Variants in PEPD observed in about 807,000 individuals in gnomAD.
The protein encoded by PEPD is peptidase D.
Under a neutral mutation model 60.7 loss-of-function variants are expected in PEPD, and 53 were observed. The ratio of observed to expected loss-of-function variants is 0.87; its 90% CI spans 0.70 to 1.10. The LOEUF is 1.10. Among genes scored for constraint, PEPD ranks in the 50% least tolerant of loss-of-function variants. The probability of loss-of-function intolerance (pLI) is 0.00; values close to 1 mark genes in which losing one functional copy is unlikely to be tolerated. For missense variants in PEPD, 711 were observed against 711.9 expected, an observed-to-expected ratio of 1.00 and a Z score of 0.01; for synonymous variants, 267 against 284.1, an observed-to-expected ratio of 0.94 and a Z score of 0.60.
chr19:33,430,361 G>A lies in PEPD; in HGVS notation c.672-16718C>T, dbSNP rs77888737. On this transcript the variant is annotated intron_variant, in intron 9 of 14. Coordinates refer to ENST00000244137, the MANE Select transcript of PEPD (RefSeq NM_000285.4). ...GCGAGGTAGGGTTGACGGTCGAAGT[G>A]TCGTTCACACTGGGAACCACCTGGC... is the stretch of plus-strand genomic sequence containing the variant. Among the ~76,000 whole-genome samples the A allele has an allele frequency of 5.0e-3, 759 of 152,246 alleles. 29 individuals are homozygous for A. The East Asian group carries it at 0.11, about 22-fold the overall frequency.
At chr19:33,456,727 G>A (rs368234562) in intron 9 of PEPD, among the ~76,000 whole-genome samples, 20 of 152,068 alleles carry the variant, frequency 1.3e-4, no homozygotes, top group African/African-American at 3.9e-4. Flanking sequence ...TGGGGGCTCC[G>A]GTCTCAGAGG....
chr19:33,504,423 C>T (rs1035112235), intron 3 of PEPD, among the ~76,000 whole-genome samples: 25 of 152,168 alleles, frequency 1.6e-4, no homozygotes, highest in Admixed American at 6.5e-4. Context: ...GGTCCAGCAA[C>T]GGTACTTCAT....
At chr19:33,441,456 G>A (rs746799997) in intron 9 of PEPD, among the ~76,000 whole-genome samples, 2 of 152,224 alleles carry the variant, frequency 1.3e-5, no homozygotes, top group Non-Finnish European at 2.9e-5. Context: ...AGAGTGCACA[G>A]TCCCGGGGAG....
rs757112748 is a variant in PEPD, at chr19:33,490,045, T to C, written c.454A>G (p.Thr152Ala). 3.7e-6 allele frequency: 6 copies of C among 1,612,172 alleles called. No homozygotes were observed. The highest frequency in any genetic ancestry group is 2.2e-5 in the South Asian group (2 of 90,786). Residue 152 changes from threonine (T) to alanine (A), a missense_variant, in exon 6 of 15, where the codon ACG (threonine) becomes GCG (alanine). Thr to Ala is a moderately conservative substitution (Grantham distance 58, BLOSUM62 0). Transcript: ENST00000244137. ...TCCCTGCAGACACTGCCGCTGTCCG[T>C]GTTGACGCCACGCTGGGGAGAGAGA... Reference protein sequence around the residue: ...SVLLTLRGVNTDSGSVCREAS... With the variant: ...SVLLTLRGVNADSGSVCREAS...
chr19:33,466,782 T>C (rs1008389316), intron 7 of PEPD, among the ~76,000 whole-genome samples: 8 of 152,006 alleles, frequency 5.3e-5, no homozygotes, highest in Non-Finnish European at 5.9e-5. Flanking sequence ...AATAAAAATT[T>C]TTTTCTAATA....
At chr19:33,500,186 G>A (rs73594036) in intron 4 of PEPD, among the ~76,000 whole-genome samples, 12,664 of 152,276 alleles carry the variant, frequency 0.083, 576 homozygotes, top group Non-Finnish European at 0.11. Context: ...ACACGGCACT[G>A]ACCTGCACAG....
At chr19:33,450,043 C>T (rs1969667507) in intron 9 of PEPD, among the ~76,000 whole-genome samples, 1 of 152,206 alleles carries the variant, frequency 6.6e-6, no homozygotes, top group Admixed American at 6.5e-5. Context: ...TTGCTGGTGG[C>T]CAAGCTGCCT....
intron 11 of PEPD, among the ~76,000 whole-genome samples, chr19:33,406,196 T>G (rs1968620282): frequency 6.6e-6 from 1 of 152,214 alleles, no homozygotes; most frequent in Non-Finnish European, 1.5e-5. Flanking sequence ...TTTGCTTTTT[T>G]TGGTGACCAG....
chr19:33,504,558 G>A (rs983865286), intron 3 of PEPD, among the ~76,000 whole-genome samples: 3 of 152,236 alleles, frequency 2.0e-5, no homozygotes, highest in Non-Finnish European at 4.4e-5. Flanking sequence ...GAGGTCAGGA[G>A]TTCAAGACCA....
intron 11 of PEPD, among the ~76,000 whole-genome samples, chr19:33,407,949 G>A (rs889053858): frequency 3.3e-5 from 5 of 152,216 alleles, no homozygotes; most frequent in African/African-American, 1.2e-4. Flanking sequence ...GGCTGGCTGG[G>A]GGTGAGGGAC....
intron 7 of PEPD, among the ~76,000 whole-genome samples, chr19:33,467,600 CA>C (rs1488895190): frequency 6.6e-6 from 1 of 152,034 alleles, no homozygotes; most frequent in African/African-American, 2.4e-5. Context: ...AAATGTAGGA[CA>C]AGAAGGCAAA....
rs1041796205 is a variant in PEPD, at chr19:33,518,712, C to T, written c.17+3032G>A. Among the ~76,000 whole-genome samples the T allele has an allele frequency of 2.6e-5, 4 of 152,144 alleles. No homozygotes were observed. In the South Asian group the frequency reaches 8.3e-4, roughly 32 times the overall value. On this transcript the variant is annotated intron_variant, in intron 1 of 14. Transcript: ENST00000244137. ...CATTCATTTCACCAAGCACCAATCA[C>T]AGGGCAGCCACAGACTGGCCCTGCG... is the stretch of plus-strand genomic sequence containing the variant.
chr19:33,418,110 A>G (rs928923794), intron 9 of PEPD, among the ~76,000 whole-genome samples: 1 of 152,218 alleles, frequency 6.6e-6, no homozygotes, highest in East Asian at 1.9e-4. Context: ...ACTGGGGCAC[A>G]TAAGAGGGAG....
At chr19:33,462,925 TACTC>T (rs1969954134) in intron 9 of PEPD, 66 bp downstream of exon 9, 2 of 924,614 alleles carry the variant, frequency 2.2e-6, no homozygotes, top group Non-Finnish European at 3.6e-6. Flanking sequence ...TCTCATCTGT[TACTC>T]ACTCAGGGAA....
chr19:33,435,954 A>C (rs915991263), intron 9 of PEPD, among the ~76,000 whole-genome samples: 2 of 152,192 alleles, frequency 1.3e-5, no homozygotes, highest in Non-Finnish European at 2.9e-5. Flanking sequence ...AGAAGCGGTG[A>C]GCAGGGAAGG....
At chr19:33,408,233 C>T (rs1390924626) in intron 11 of PEPD, among the ~76,000 whole-genome samples, 1 of 152,258 alleles carries the variant, frequency 6.6e-6, no homozygotes, top group Non-Finnish European at 1.5e-5. Flanking sequence ...TGAGAATAAA[C>T]CAGGCCTGGC....
At chr19:33,493,700 G>A (rs1253141755) in intron 4 of PEPD, among the ~76,000 whole-genome samples, 3 of 151,910 alleles carry the variant, frequency 2.0e-5, no homozygotes, top group South Asian at 2.1e-4. Context: ...CCCGTCCCCC[G>A]GGAACCCTTT....
At chr19:33,442,283 T>C (rs1189270353) in intron 9 of PEPD, among the ~76,000 whole-genome samples, 1 of 151,930 alleles carries the variant, frequency 6.6e-6, no homozygotes, top group Non-Finnish European at 1.5e-5. Flanking sequence ...GGGGGGCACC[T>C]GTAATCCCAG....
chr19:33,442,541 AT>A (rs754492471), intron 9 of PEPD, among the ~76,000 whole-genome samples: 9 of 129,268 alleles, frequency 7.0e-5, no homozygotes, highest in Admixed American at 2.3e-4. Context: ...TCTACTAAAA[AT>A]AAAATAAAAA....
Sources: allele counts gnomAD v4.1 joint callset (sites outside exome capture counted in the v4.1 genomes callset), GRCh38; gene constraint gnomAD v4.1.1; transcripts MANE v1.5; gene names NCBI Gene and HGNC (gene_info 2026-07-23, HGNC 2026-07-21).